Variants in SFSWAP observed in about 807,000 individuals in gnomAD.
SFSWAP encodes the protein splicing factor SWAP.
A neutral mutation model predicts 100.7 loss-of-function variants in SFSWAP; 17 were observed. The observed-to-expected ratio is 0.17, with a 90% CI of 0.12 to 0.25. SFSWAP has a LOEUF of 0.25. SFSWAP is among the 10% of genes least tolerant of loss of function. The probability of loss-of-function intolerance (pLI) is 1.00; values close to 1 mark genes in which losing one functional copy is unlikely to be tolerated. For missense variants in SFSWAP, 1,005 were observed against 1,262.6 expected (o/e 0.80, Z 3.09); for synonymous variants, 504 against 510.1 (o/e 0.99, Z 0.16).
intron 3 of SFSWAP, among the ~76,000 whole-genome samples, chr12:131,715,991 C>T (rs1449345616): frequency 6.6e-6 from 1 of 152,232 alleles, no homozygotes; most frequent in African/African-American, 2.4e-5. Flanking sequence ...TGAGCCACCA[C>T]ATCCAGCCAA....
intron 8 of SFSWAP, 189 bp downstream of exon 8, chr12:131,753,552 C>G: frequency 1.3e-6 from 1 of 766,572 alleles, no homozygotes; most frequent in Non-Finnish European, 2.0e-6. Context: ...GTAGCACAAA[C>G]TTTTTAGCAT....
intron 4 of SFSWAP, among the ~76,000 whole-genome samples, chr12:131,721,335 A>ATT (rs1878459239): frequency 6.6e-6 from 1 of 152,176 alleles, no homozygotes; most frequent in Non-Finnish European, 1.5e-5. Flanking sequence ...AGTATTGATC[A>ATT]TTTTGCTGTA....
In SFSWAP at chr12:131,725,874, G is replaced by T. The variant is rs1318462392; in HGVS notation, c.832+244G>T. On this transcript the variant is annotated intron_variant, in intron 5 of 17. Transcript: ENST00000261674. The surrounding 1 kb of genome is among the most constrained non-coding windows in gnomAD (Gnocchi z 4.3). ...GATAAATGAAATATAACTAAATATT[G>T]ATGCTGTCAGAACATAATCATCTGG... Among the ~76,000 whole-genome samples, 3 of 152,060 alleles carry T rather than the reference G, an allele frequency of 2.0e-5. No homozygotes were observed. Among genetic ancestry groups the T allele is most frequent in the Admixed American group, 2.0e-4 (3 of 15,270 alleles).
chr12:131,761,613 G>A (rs554246083), intron 11 of SFSWAP, among the ~76,000 whole-genome samples: 50 of 152,342 alleles, frequency 3.3e-4, no homozygotes, highest in Admixed American at 2.7e-3. Flanking sequence ...GCCTTGGGAA[G>A]GAACTGGGTT....
chr12:131,771,645 T>C (rs1883610508), intron 13 of SFSWAP, among the ~76,000 whole-genome samples: 1 of 140,368 alleles, frequency 7.1e-6, no homozygotes, highest in Non-Finnish European at 1.5e-5. Flanking sequence ...ATTTTGCTAA[T>C]GTCTCTTTTT....
chr12:131,714,436 T>A lies in SFSWAP; in HGVS notation c.388+196T>A, dbSNP rs571411252. On this transcript the variant is annotated intron_variant, in intron 2 of 17. Coordinates refer to ENST00000261674, the MANE Select transcript of SFSWAP (RefSeq NM_004592.4). The surrounding 1 kb of genome is among the most constrained non-coding windows in gnomAD (Gnocchi z 6.0). ...TTTATATATAGAGCCACAAAGAATT[T>A]TCCCAGCTTTTGAGGGCAGACTGGG... The A allele has an allele frequency of 1.0e-3, 563 of 538,370 alleles. No individual in the cohort carries two copies. The highest frequency in any genetic ancestry group is 7.5e-4 in the Non-Finnish European group (234 of 311,810). The allele number at this position is 538,370 out of a possible 1,614,324, so 33.3% of individuals were successfully genotyped here.
At chr12:131,751,415 G>A (rs1468050684) in intron 7 of SFSWAP, among the ~76,000 whole-genome samples, 1 of 152,236 alleles carries the variant, frequency 6.6e-6, no homozygotes, top group African/African-American at 2.4e-5. Context: ...CTGCTGAGGT[G>A]GGAGGCTGGA....
chr12:131,744,178 G>A (rs189606570), intron 7 of SFSWAP, among the ~76,000 whole-genome samples: 2 of 152,284 alleles, frequency 1.3e-5, no homozygotes, highest in Non-Finnish European at 2.9e-5. Flanking sequence ...ATTCACATTC[G>A]GCTCCTGGTT....
chr12:131,747,384 C>G (rs1438698440), intron 7 of SFSWAP, among the ~76,000 whole-genome samples: 1 of 152,116 alleles, frequency 6.6e-6, no homozygotes, highest in African/African-American at 2.4e-5. Flanking sequence ...TGACCAGAGA[C>G]CAGAGGAAGT....
In SFSWAP at chr12:131,714,763, A is replaced by G. The variant is rs548247228; in HGVS notation, c.389-59A>G. 20 of 1,489,352 alleles carry G rather than the reference A, an allele frequency of 1.3e-5. No individual in the cohort carries two copies. The African/African-American group carries it at 1.7e-4, about 13-fold the overall frequency. The allele number at this position is 1,489,352 out of a possible 1,614,324, so 92.3% of individuals were successfully genotyped here. On this transcript the variant is annotated intron_variant, in intron 2 of 17. Transcript: ENST00000261674. The surrounding 1 kb of genome is among the most constrained non-coding windows in gnomAD (Gnocchi z 6.0). ...CTGATAGCTACAACTTTAGAAATAT[A>G]TAAAGTTTTTCTCAGTAATTTTCTA...
At chr12:131,799,390 C>T (rs2136287573) in intron 17 of SFSWAP, 33 bp from the exon 18 acceptor site, 1 of 1,609,758 alleles carries the variant, frequency 6.2e-7, no homozygotes, top group Non-Finnish European at 8.5e-7. Flanking sequence ...GCCAGGTCTT[C>T]ACAGGTTCTC....
intron 3 of SFSWAP, 87 bp from the exon 4 acceptor site, chr12:131,719,367 G>A: frequency 1.1e-6 from 1 of 913,976 alleles, no homozygotes. Context: ...GGGACAGCCA[G>A]TCACATGCTT....
intron 7 of SFSWAP, among the ~76,000 whole-genome samples, chr12:131,740,656 A>C (rs1413371441): frequency 6.6e-6 from 1 of 152,148 alleles, no homozygotes; most frequent in Non-Finnish European, 1.5e-5. Context: ...GACTGTGTCC[A>C]TCTTCCCTGT....
intron 11 of SFSWAP, among the ~76,000 whole-genome samples, chr12:131,761,798 CTTAG>C (rs888229070): frequency 1.5e-4 from 23 of 152,254 alleles, no homozygotes; most frequent in Admixed American, 5.2e-4. Context: ...CCTGGAGAAA[CTTAG>C]TTAATCTTTT....
intron 11 of SFSWAP, among the ~76,000 whole-genome samples, chr12:131,760,884 C>T (rs1433847252): frequency 6.6e-6 from 1 of 152,148 alleles, no homozygotes; most frequent in Non-Finnish European, 1.5e-5. Flanking sequence ...CCAGCCTGGT[C>T]AACATGGTGA....
chr12:131,768,849 C>T (rs996441629), intron 13 of SFSWAP, among the ~76,000 whole-genome samples: 3 of 152,108 alleles, frequency 2.0e-5, no homozygotes, highest in Non-Finnish European at 2.9e-5. Flanking sequence ...CTTGGCTGGA[C>T]GTGGTGGCTC....
intron 7 of SFSWAP, among the ~76,000 whole-genome samples, chr12:131,744,192 TA>T (rs1880913223): frequency 6.6e-6 from 1 of 152,256 alleles, no homozygotes; most frequent in South Asian, 2.1e-4. Context: ...CCTGGTTACT[TA>T]TGCAAATTTC....
At chr12:131,773,544 A>G (rs1271300384) in intron 13 of SFSWAP, among the ~76,000 whole-genome samples, 2 of 152,076 alleles carry the variant, frequency 1.3e-5, no homozygotes, top group East Asian at 3.9e-4. Flanking sequence ...GGATTTTGCT[A>G]TATTGCCCAG....
At chr12:131,726,697 C>T (rs71470343) in intron 5 of SFSWAP, among the ~76,000 whole-genome samples, 26,700 of 152,188 alleles carry the variant, frequency 0.18, 3,090 homozygotes, top group Non-Finnish European at 0.25. Flanking sequence ...AGAAAGAAAG[C>T]ATACAGAGCC....
Sources: allele counts gnomAD v4.1 joint callset (sites outside exome capture counted in the v4.1 genomes callset), GRCh38; gene constraint gnomAD v4.1.1; non-coding constraint Gnocchi (gnomAD v3.1); transcripts MANE v1.5; gene names NCBI Gene and HGNC (gene_info 2026-07-23, HGNC 2026-07-21).